ADCY1: variants seen among roughly 807,000 people sequenced by gnomAD.
The protein encoded by ADCY1 is adenylate cyclase 1.
ADCY1 carries 28 observed loss-of-function variants against 105.4 expected under a neutral mutation model. That is an observed-to-expected ratio of 0.27 (90% CI 0.20 to 0.36). The LOEUF (loss-of-function observed/expected upper bound fraction) is 0.36, where lower values mean the gene tolerates loss of function less well. ADCY1 is among the 10% of genes least tolerant of loss of function. The pLI, the probability that ADCY1 is intolerant of heterozygous loss-of-function variation, is 1.00. For missense variants in ADCY1, 977 were observed against 1,434.2 expected (o/e 0.68, Z 5.15); for synonymous variants, 655 against 623.8 (o/e 1.05, Z -0.75).
intron 19 of ADCY1, among the ~76,000 whole-genome samples, chr7:45,712,049 A>T (rs184354985): frequency 0.021 from 1,426 of 67,782 alleles, 15 homozygotes; most frequent in South Asian, 0.05. Context: ...ATTTTATATA[A>T]TATATTAAAT....
At position 45,720,728 on chromosome 7, in the gene ADCY1, C is replaced by G. The variant is rs1408852228; in HGVS notation, c.*6733C>G. On this transcript the variant is annotated 3_prime_UTR_variant, in exon 20 of 20. Transcript: ENST00000297323. ...CCACAGGGGAAGGGCACTTGTCGCT[C>G]TCCCACCTGGTTACCACAGTCTCCA... 1.3e-5 allele frequency: 2 copies of G among 152,166 alleles called. No homozygotes were observed. The highest frequency in any genetic ancestry group is 2.1e-4 in the South Asian group (1 of 4,832). 9.4% of individuals were successfully genotyped at this position (152,166 alleles called of 1,614,324 possible).
chr7:45,703,785 TG>T lies in ADCY1; in HGVS notation c.2718+41del, dbSNP rs1785049749. 1.9e-6 allele frequency: 3 copies of T among 1,538,930 alleles called. No homozygotes were observed. Among genetic ancestry groups the T allele is most frequent in the Non-Finnish European group, 2.6e-6 (3 of 1,140,284 alleles). ...TCGCCATCCTGACCCCGCCTGGTTG[TG>T]GTGGTGCATCCTGTTGCGTGGGCAG... On this transcript the variant is annotated intron_variant, in intron 16 of 19. Transcript: ENST00000297323. This position sits in a 1 kb window ranked among gnomAD's most constrained non-coding sequence, Gnocchi z 5.9.
chr7:45,622,662 G>A lies in ADCY1; in HGVS notation c.939G>A (p.Thr313=), dbSNP rs1039672540. ...SILFADIVGF[T]GLASQCTAQE... The stretch of plus-strand genomic sequence containing the variant: ...TGTTTGCTGACATCGTGGGTTTCAC[G>A]GGCTTGGCATCCCAGTGCACAGCCC... The change falls in exon 4 of 20, where the codon ACG becomes ACA. Residue 313 remains threonine (T), a synonymous_variant. Transcript: ENST00000297323. The A allele has an allele frequency of 1.4e-5, 23 of 1,613,106 alleles. No homozygotes were observed. In the East Asian group the frequency reaches 2.5e-4, roughly 17 times the overall value.
In ADCY1 at chr7:45,722,950, CAAGT is replaced by C. The variant is rs1752812280; in HGVS notation, c.*8958_*8961del. The C allele has an allele frequency of 6.6e-6, 1 of 152,488 alleles. No individual in the cohort carries two copies. 9.4% of individuals were successfully genotyped at this position (152,488 alleles called of 1,614,324 possible). A position where few individuals can be genotyped will look rare whatever the true frequency, so the allele number is the denominator to read the frequency against. On this transcript the variant is annotated 3_prime_UTR_variant, in exon 20 of 20. Transcript: ENST00000297323. ...CTTTTTCAAGATTGTTAAATTGAGA[CAAGT>C]AATTGAATAATTTGTCCTATTTTTA...
intron 14 of ADCY1, among the ~76,000 whole-genome samples, chr7:45,699,354 T>G (rs1378516075): frequency 6.6e-6 from 1 of 152,150 alleles, no homozygotes; most frequent in Non-Finnish European, 1.5e-5. Flanking sequence ...GCTTGAGGGT[T>G]TGAGGTTGGG....
chr7:45,645,980 A>G (rs1487080950), intron 4 of ADCY1, among the ~76,000 whole-genome samples: 1 of 148,578 alleles, frequency 6.7e-6, no homozygotes, highest in African/African-American at 2.5e-5. Context: ...GGGGTTTCTA[A>G]TCTCAGGGAG....
intron 4 of ADCY1, among the ~76,000 whole-genome samples, chr7:45,643,910 C>T (rs1459727418): frequency 6.6e-6 from 1 of 152,142 alleles, no homozygotes; most frequent in African/African-American, 2.4e-5. Flanking sequence ...AGGGAGGCTT[C>T]CGGGGACCTG....
chr7:45,708,609 G>A lies in ADCY1; in HGVS notation c.2932+145G>A. On this transcript the variant is annotated intron_variant, in intron 18 of 19. Transcript: ENST00000297323. The surrounding 1 kb of genome is among the most constrained non-coding windows in gnomAD (Gnocchi z 4.7). The stretch of plus-strand genomic sequence containing the variant: ...GAGGGCATGGGGACCTGTGTACCGA[G>A]TTGCCCCTGGAAGCTGCTGGTGGAA... 3.2e-6 allele frequency: 2 copies of A among 623,678 alleles called. No individual in the cohort carries two copies. Among genetic ancestry groups the A allele is most frequent in the Non-Finnish European group, 2.9e-6 (1 of 346,892 alleles). 38.6% of individuals were successfully genotyped at this position (623,678 alleles called of 1,614,324 possible). A position where few individuals can be genotyped will look rare whatever the true frequency, so the allele number is the denominator to read the frequency against.
chr7:45,678,063 G>C lies in ADCY1; in HGVS notation c.1800G>C (p.Lys600Asn). ...ACAAACATGTCGAACGGGAGCAAAA[G>C]GTAAGCAACTCTGGTTTTCGGCTTC... ...LKYKHVEREQKYHQLQDEYFT... is the reference protein window; with the variant it reads ...LKYKHVEREQNYHQLQDEYFT... Residue 600 changes from lysine (K) to asparagine (N), a missense_variant and splice_region_variant, in exon 9 of 20, where the codon AAG becomes AAC. Transcript: ENST00000297323. 1 of 1,613,998 alleles carries C rather than the reference G, an allele frequency of 6.2e-7. No individual in the cohort carries two copies. Among genetic ancestry groups the C allele is most frequent in the South Asian group, 1.1e-5 (1 of 91,054 alleles).
At position 45,710,879 on chromosome 7, in the gene ADCY1, G is replaced by A. The variant is rs1438471364; in HGVS notation, c.3057+227G>A. On this transcript the variant is annotated intron_variant, in intron 19 of 19. Coordinates refer to ENST00000297323, the MANE Select transcript of ADCY1 (RefSeq NM_021116.4). The surrounding 1 kb of genome is among the most constrained non-coding windows in gnomAD (Gnocchi z 4.7). ...TGGGGGCTGGCTCCTGAGTGACCAA[G>A]TGCAGTGGTGGGAGCACTGAGTCAC... Among the ~76,000 whole-genome samples the A allele has an allele frequency of 6.6e-6, 1 of 152,218 alleles. No homozygotes were observed. The highest frequency in any genetic ancestry group is 1.5e-5 in the Non-Finnish European group (1 of 68,042).
chr7:45,637,568 G>GA (rs917404469), intron 4 of ADCY1, among the ~76,000 whole-genome samples: 1 of 151,772 alleles, frequency 6.6e-6, no homozygotes, highest in African/African-American at 2.4e-5. Flanking sequence ...CTGAAAAAAA[G>GA]AAAAAACTTA....
At chr7:45,661,410 G>T (rs934723555) in intron 7 of ADCY1, among the ~76,000 whole-genome samples, 1 of 152,012 alleles carries the variant, frequency 6.6e-6, no homozygotes, top group Non-Finnish European at 1.5e-5. Context: ...AGAGGAGATG[G>T]GGTCAGAGCT....
intron 4 of ADCY1, among the ~76,000 whole-genome samples, chr7:45,637,892 C>G (rs942653076): frequency 3.3e-5 from 5 of 152,134 alleles, no homozygotes; most frequent in African/African-American, 1.2e-4. Context: ...GCTTTGTTTT[C>G]TTCAGAACTT....
At chr7:45,601,369 C>T (rs1283268389) in intron 2 of ADCY1, among the ~76,000 whole-genome samples, 1 of 152,176 alleles carries the variant, frequency 6.6e-6, no homozygotes, top group Non-Finnish European at 1.5e-5. Flanking sequence ...GGCCTCAGAT[C>T]CACCAGCCCT....
chr7:45,611,272 T>C (rs554516705), intron 3 of ADCY1, among the ~76,000 whole-genome samples: 2 of 152,058 alleles, frequency 1.3e-5, no homozygotes, highest in African/African-American at 4.8e-5. Context: ...GGTGGACATC[T>C]GCCTAGCAGG....
chr7:45,678,322 C>T (rs570009568), intron 10 of ADCY1, 59 bp downstream of exon 10: 14 of 1,520,002 alleles, frequency 9.2e-6, no homozygotes, highest in African/African-American at 2.7e-5. Flanking sequence ...TTCTGGGGTT[C>T]GTGGTTGTGT....
intron 2 of ADCY1, among the ~76,000 whole-genome samples, chr7:45,609,316 C>G (rs1324569021): frequency 6.6e-6 from 1 of 152,168 alleles, no homozygotes; most frequent in Non-Finnish European, 1.5e-5. Flanking sequence ...CTGTGCCCGG[C>G]AGGCTTGCGT....
intron 8 of ADCY1, among the ~76,000 whole-genome samples, chr7:45,672,254 T>TA (rs1202940576): frequency 3.3e-5 from 5 of 152,220 alleles, no homozygotes; most frequent in Non-Finnish European, 7.3e-5. Context: ...TGGCCATACT[T>TA]ATGTGAGGCT....
At position 45,624,842 on chromosome 7, in the gene ADCY1, T is replaced by C. The variant is rs544199170; in HGVS notation, c.1020+2099T>C. On this transcript the variant is annotated intron_variant, in intron 4 of 19. Coordinates refer to ENST00000297323, the MANE Select transcript of ADCY1 (RefSeq NM_021116.4). ...CTTGGCCCCACCTGGGCCTTTTCTC[T>C]CTCACCGTGCTTGGAGCTGATGCTG... 1.1e-4 allele frequency among the ~76,000 whole-genome samples: 16 copies of C among 152,274 alleles called. No individual in the cohort carries two copies. The South Asian group carries it at 2.9e-3, about 28-fold the overall frequency.
Sources: gnomAD v4.1 joint callset for allele counts (sites outside exome capture counted in the v4.1 genomes callset) on GRCh38, gnomAD v4.1.1 for gene constraint, Gnocchi (gnomAD v3.1) non-coding constraint, MANE v1.5 for transcripts, NCBI Gene and HGNC (gene_info 2026-07-23, HGNC 2026-07-21) for gene names.